MED23: variants seen among roughly 807,000 people sequenced by gnomAD.
MED23 encodes mediator of RNA polymerase II transcription subunit 23.
Under a neutral mutation model 163.9 loss-of-function variants are expected in MED23, and 105 were observed. The ratio of observed to expected loss-of-function variants is 0.64; its 90% CI spans 0.55 to 0.75. The LOEUF (loss-of-function observed/expected upper bound fraction) is 0.75. MED23 is among the 30% of genes least tolerant of loss of function. The pLI is 0.00. For missense variants in MED23, 1,054 were observed against 1,649.0 expected, an observed-to-expected ratio of 0.64 and a Z score of 6.25; for synonymous variants, 561 against 565.6, an observed-to-expected ratio of 0.99 and a Z score of 0.12.
chr6:131,596,034 C>T lies in MED23; in HGVS notation c.2908G>A (p.Val970Ile). 6.2e-7 allele frequency: 1 copy of T among 1,613,970 alleles called. No individual in the cohort carries two copies. The change falls in exon 22 of 29, where the codon GTA becomes ATA. Residue 970 changes from valine (V) to isoleucine (I), a missense_variant. Physicochemically the swap from Val to Ile is conservative, Grantham distance 29. This residue lies in a region of MED23 where 228 missense variants were observed against 461.3 expected (regional missense o/e 0.49). Coordinates refer to ENST00000368068, the MANE Select transcript of MED23 (RefSeq NM_004830.4). The part of the protein sequence containing the change: ...CLRFLPVFDI[V>I]IHRFLELLPV... Reference sequence around the variant, plus strand: ...AGCAACTCTAAAAATCTGTGGATTACTATATCAAATACTGGAAGGAATCGA... The same window carrying T: ...AGCAACTCTAAAAATCTGTGGATTATTATATCAAATACTGGAAGGAATCGA...
At chr6:131,601,028 A>G (rs979419223) in intron 17 of MED23, among the ~76,000 whole-genome samples, 1 of 141,054 alleles carries the variant, frequency 7.1e-6, no homozygotes, top group African/African-American at 3.0e-5. Flanking sequence ...GCACTGAGTT[A>G]AATCAGCTGC....
chr6:131,600,120 T>C lies in MED23; in HGVS notation c.2138A>G (p.Lys713Arg), dbSNP rs1267075459. 1 of 1,613,138 alleles carries C rather than the reference T, an allele frequency of 6.2e-7. No individual in the cohort carries two copies. The highest frequency in any genetic ancestry group is 8.5e-7 in the Non-Finnish European group (1 of 1,179,182). The change falls in exon 18 of 29, where the codon AAA becomes AGA. Residue 713 changes from lysine to arginine, a missense_variant. By Grantham distance (26) the Lys-to-Arg change is conservative. Transcript: ENST00000368068. ...ACTCATGATGGTCTGAAGTATGTCT[T>C]TACACCAAGTTCCCTGAATTGAATC... ...GSDSIQGTWC[K>R]DILQTIMSFT...
chr6:131,618,466 A>G lies in MED23; in HGVS notation c.721T>C (p.Trp241Arg). ...VNNSGAICNS[W>R]KLDPATLRFP... ...CGAAGAGTAGCAGGATCCAGTTTCC[A>G]TGAATTACAAATGGCACCCGAATTA... is the stretch of plus-strand genomic sequence containing the variant. Residue 241 changes from tryptophan to arginine, a missense_variant, in exon 9 of 29, where the codon TGG becomes CGG. By Grantham distance (101) the Trp-to-Arg change is moderately radical (BLOSUM62 -3). Around this residue, in one of 11 missense-constraint regions of MED23, gnomAD observed 54 missense variants for 79.7 expected, o/e 0.68. Transcript: ENST00000368068. 6.2e-7 allele frequency: 1 copy of G among 1,614,100 alleles called. No homozygotes were observed. The highest frequency in any genetic ancestry group is 8.5e-7 in the Non-Finnish European group (1 of 1,179,976).
intron 8 of MED23, 140 bp downstream of exon 8, chr6:131,619,687 G>C (rs1776943655): frequency 3.0e-6 from 2 of 659,380 alleles, no homozygotes; most frequent in Admixed American, 2.3e-5. Flanking sequence ...CAAGGGAAAG[G>C]CATTATATTA....
intron 30 of MED23, chr6:131,581,102 C>CA (rs1773897164): frequency 2.0e-6 from 2 of 1,000,546 alleles, no homozygotes; most frequent in Admixed American, 3.7e-5. Context: ...CAGAACCTAT[C>CA]AGAAATATCA....
In MED23 at chr6:131,594,305, A is replaced by G; in HGVS notation, c.3026T>C (p.Leu1009Pro). 1 of 1,614,136 alleles carries G rather than the reference A, an allele frequency of 6.2e-7. No homozygotes were observed. Among genetic ancestry groups the G allele is most frequent in the Non-Finnish European group, 8.5e-7 (1 of 1,179,942 alleles). ...TCTCAGGTGCATTTCATAATAGTGC[A>G]GAGTGTTATACAGATAAGTCACTGG... ...DRPVTYLYNT[L>P]HYYEMHLRDR... The change falls in exon 23 of 29, where the codon CTG becomes CCG. Residue 1009 changes from leucine (L) to proline (P), a missense_variant. Leu to Pro is a moderately conservative substitution (Grantham distance 98). This residue lies in a region of MED23 where 362 missense variants were observed against 471.6 expected (regional missense o/e 0.77). Transcript: ENST00000368068.
intron 30 of MED23, chr6:131,579,552 G>A: frequency 3.1e-6 from 1 of 322,024 alleles, no homozygotes; most frequent in South Asian, 3.9e-5. Context: ...TTCATCACAA[G>A]CTTACATTTC....
At chr6:131,602,584 C>T (rs958540822) in intron 16 of MED23, among the ~76,000 whole-genome samples, 1 of 152,122 alleles carries the variant, frequency 6.6e-6, no homozygotes, top group African/African-American at 2.4e-5. Context: ...ACTTTTTACA[C>T]ATTTGAAAAA....
chr6:131,621,781 G>C (rs771336142), intron 6 of MED23, 100 bp downstream of exon 6: 38 of 612,280 alleles, frequency 6.2e-5, no homozygotes, highest in African/African-American at 5.7e-4. Context: ...AGAAGAAATA[G>C]AGCATCTCAC....
At chr6:131,593,264 TAG>T (rs1292312605) in intron 23 of MED23, 93 bp from the exon 24 acceptor site, 2 of 1,495,668 alleles carry the variant, frequency 1.3e-6, no homozygotes, top group South Asian at 1.2e-5. Flanking sequence ...TGTCTACGCT[TAG>T]AGAGATTAAG....
chr6:131,584,085 CT>C (rs1562362355), downstream of MED23: 1 of 733,752 alleles, frequency 1.4e-6, no homozygotes, highest in Non-Finnish European at 2.1e-6. Context: ...GAAATTCTAA[CT>C]TTTTTGAAAT....
At chr6:131,583,520 G>A, downstream of MED23, 1 of 1,612,380 alleles carries the variant, frequency 6.2e-7, no homozygotes, top group Middle Eastern at 1.7e-4. Flanking sequence ...TAATAGAGAA[G>A]CAAGTGTACA....
In MED23 at chr6:131,600,132, C is replaced by T; in HGVS notation, c.2126G>A (p.Gly709Glu). The change falls in exon 18 of 29, where the codon GGA becomes GAA. Residue 709 changes from glycine to glutamate, a missense_variant. By Grantham distance (98) the Gly-to-Glu change is moderately conservative. This residue lies in a region of MED23 where 228 missense variants were observed against 461.3 expected (regional missense o/e 0.49). Transcript: ENST00000368068. Reference sequence around the variant, plus strand: ...CTGAAGTATGTCTTTACACCAAGTTCCCTGAATTGAATCAGAGCCTGTAAA... The same window carrying T: ...CTGAAGTATGTCTTTACACCAAGTTTCCTGAATTGAATCAGAGCCTGTAAA... The part of the protein sequence containing the change: ...DFFTGSDSIQ[G>E]TWCKDILQTI... 6.2e-7 allele frequency: 1 copy of T among 1,612,126 alleles called. No individual in the cohort carries two copies. Among genetic ancestry groups the T allele is most frequent in the Non-Finnish European group, 8.5e-7 (1 of 1,178,348 alleles).
chr6:131,577,981 A>G (rs948197222), intron 30 of MED23, among the ~76,000 whole-genome samples: 6 of 151,842 alleles, frequency 4.0e-5, no homozygotes, highest in Non-Finnish European at 5.9e-5. Context: ...GCAGCATGAT[A>G]AGACAAGAAA....
At position 131,604,163 on chromosome 6, in the gene MED23, A is replaced by G. The variant is rs1381902141; in HGVS notation, c.1756+15T>C. On this transcript the variant is annotated intron_variant, in intron 15 of 28. Coordinates refer to ENST00000368068, the MANE Select transcript of MED23 (RefSeq NM_004830.4). ...ATGGGTTAATAGTTATAAACACCAG[A>G]AAGTCCTGTCTTACTGATAAATCCT... The G allele has an allele frequency of 1.9e-6, 3 of 1,613,248 alleles. No individual in the cohort carries two copies. The highest frequency in any genetic ancestry group is 1.7e-5 in the Admixed American group (1 of 60,004).
At chr6:131,609,290 C>T (rs1776085082) in intron 11 of MED23, among the ~76,000 whole-genome samples, 1 of 152,130 alleles carries the variant, frequency 6.6e-6, no homozygotes, top group Non-Finnish European at 1.5e-5. Context: ...TTCTCCATGT[C>T]TGCTCTTGCT....
chr6:131,582,822 C>G (rs1471907539), downstream of MED23: 10 of 927,466 alleles, frequency 1.1e-5, no homozygotes, highest in Admixed American at 1.8e-5. Context: ...AAGACACACA[C>G]ACACACACAT....
chr6:131,624,754 A>G, intron 4 of MED23, 111 bp downstream of exon 4: 1 of 1,193,206 alleles, frequency 8.4e-7, no homozygotes, highest in Non-Finnish European at 1.2e-6. Context: ...TACTTGATAA[A>G]CCTCACCTTC....
At chr6:131,579,514 T>C (rs1470174078) in intron 30 of MED23, 5 of 418,108 alleles carry the variant, frequency 1.2e-5, no homozygotes, top group Non-Finnish European at 2.1e-5. Context: ...AGAAAATGTA[T>C]GAAATATGAA....
Sources: allele counts gnomAD v4.1 joint callset (sites outside exome capture counted in the v4.1 genomes callset), GRCh38; gene constraint gnomAD v4.1.1; regional missense constraint gnomAD v4.1.1; transcripts MANE v1.5; gene names NCBI Gene and HGNC (gene_info 2026-07-23, HGNC 2026-07-21).